The following PKD1L1 variants were observed in gnomAD, a reference collection of about 807,000 sequenced individuals.
PKD1L1 encodes polycystin-1-like protein 1.
A neutral mutation model predicts 323.4 loss-of-function variants in PKD1L1; 236 were observed. The observed-to-expected ratio is 0.73, with a 90% CI of 0.66 to 0.81. The LOEUF is 0.81. PKD1L1 is among the 40% of genes least tolerant of loss of function. The pLI is 0.00. For missense variants in PKD1L1, 3,320 were observed against 3,508.0 expected, an observed-to-expected ratio of 0.95 and a Z score of 1.35; for synonymous variants, 1,344 against 1,335.0, an observed-to-expected ratio of 1.01 and a Z score of -0.15.
chr7:47,937,056 A>AC, intron 3 of PKD1L1, 98 bp from the exon 4 acceptor site: 1 of 914,594 alleles, frequency 1.1e-6, no homozygotes, highest in Non-Finnish European at 1.7e-6. Flanking sequence ...ATAGCAGTGG[A>AC]CCCCTGCTGT....
intron 24 of PKD1L1, among the ~76,000 whole-genome samples, chr7:47,868,014 A>T (rs1397883121): frequency 6.6e-6 from 1 of 152,248 alleles, no homozygotes; most frequent in African/African-American, 2.4e-5. Flanking sequence ...AAGCCATTGC[A>T]TAAAGACATT....
intron 31 of PKD1L1, among the ~76,000 whole-genome samples, chr7:47,848,339 T>C (rs941680769): frequency 1.3e-5 from 2 of 151,730 alleles, no homozygotes; most frequent in African/African-American, 4.8e-5. Flanking sequence ...GAGAAGCACA[T>C]AGCAGTTAAA....
At chr7:47,793,633 A>G (rs1261362435) in intron 55 of PKD1L1, among the ~76,000 whole-genome samples, 2 of 152,194 alleles carry the variant, frequency 1.3e-5, no homozygotes, top group African/African-American at 4.8e-5. Context: ...GAACTAAAAC[A>G]GTAAATTGGT....
In PKD1L1 at chr7:47,790,884, G is replaced by A. The variant is rs1786929576; in HGVS notation, c.8526+1743C>T. Among the ~76,000 whole-genome samples, 6 of 151,746 alleles carry A rather than the reference G, an allele frequency of 4.0e-5. No homozygotes were observed. In the South Asian group the frequency reaches 1.2e-3, roughly 32 times the overall value. On this transcript the variant is annotated intron_variant, in intron 56 of 56. Coordinates refer to ENST00000289672, the MANE Select transcript of PKD1L1 (RefSeq NM_138295.5). ...TAATCTTTCCGTCTCAGCCTCCTGAGTAACTGGGACCACAGGTTTTGTTTT... is the reference window on the plus strand; with the variant it reads ...TAATCTTTCCGTCTCAGCCTCCTGAATAACTGGGACCACAGGTTTTGTTTT...
At chr7:47,808,530 T>C in intron 51 of PKD1L1, 143 bp from the exon 52 acceptor site, 10 of 1,022,272 alleles carry the variant, frequency 9.8e-6, no homozygotes, top group Non-Finnish European at 1.3e-5. Context: ...CTGGGTGATT[T>C]TGTCCTTGGG....
intron 34 of PKD1L1, among the ~76,000 whole-genome samples, chr7:47,842,565 C>T (rs1360410989): frequency 2.0e-5 from 3 of 152,190 alleles, no homozygotes; most frequent in Non-Finnish European, 4.4e-5. Context: ...CTATTTCCTC[C>T]TCCTCCACCG....
chr7:47,865,326 T>C, intron 25 of PKD1L1, 54 bp from the exon 26 acceptor site: 40 of 1,390,348 alleles, frequency 2.9e-5, no homozygotes, highest in Middle Eastern at 1.8e-4. Context: ...AGAGGGAAAT[T>C]AGCTTGTTTG....
At chr7:47,943,164 AT>A (rs66821719) in intron 2 of PKD1L1, among the ~76,000 whole-genome samples, 3,242 of 25,280 alleles carry the variant, frequency 0.13, 68 homozygotes, top group East Asian at 0.25. Flanking sequence ...AAAAAAAAAA[AT>A]ATATATATAT....
rs1222399554 is a variant in PKD1L1 at position 47,829,476 on chromosome 7, G to A, written c.6684C>T (p.Leu2228=). Residue 2228 remains leucine (L), a synonymous_variant, in exon 44 of 57, where the codon CTC becomes CTT. Coordinates refer to ENST00000289672, the MANE Select transcript of PKD1L1 (RefSeq NM_138295.5). ...SELAERSWTR[L]PFSSSCSIPD... ...GAATACTGCAGCTTGAAGAGAAGGG[G>A]AGGCGAGTCCAGGAACGTTCTGCCA... 1 of 1,614,146 alleles carries A rather than the reference G, an allele frequency of 6.2e-7. No homozygotes were observed. Among genetic ancestry groups the A allele is most frequent in the East Asian group, 2.2e-5 (1 of 44,868 alleles).
chr7:47,937,564 G>A (rs1016620231), intron 3 of PKD1L1, among the ~76,000 whole-genome samples: 1 of 152,180 alleles, frequency 6.6e-6, no homozygotes, highest in Non-Finnish European at 1.5e-5. Flanking sequence ...ATGCACAGAA[G>A]CAACAGTGTG....
intron 21 of PKD1L1, among the ~76,000 whole-genome samples, chr7:47,879,925 C>T (rs1025003407): frequency 5.9e-5 from 8 of 135,140 alleles, no homozygotes; most frequent in African/African-American, 9.3e-5. Context: ...AGAGGGACTC[C>T]GTCTCAACAA....
At position 47,784,108 on chromosome 7, in the gene PKD1L1, T is replaced by C. The variant is rs1180140801; in HGVS notation, c.8526+8519A>G. Among the ~76,000 whole-genome samples, 5 of 152,310 alleles carry C rather than the reference T, an allele frequency of 3.3e-5. No homozygotes were observed. In the South Asian group the frequency reaches 6.2e-4, roughly 19 times the overall value. On this transcript the variant is annotated intron_variant, in intron 56 of 56. Transcript: ENST00000289672. ...GATTAACAATAATATTTCAACTTCA[T>C]TGGAGCTATGTCTGCCAGGAAGGAA...
intron 1 of PKD1L1, 48 bp from the exon 2 acceptor site, chr7:47,943,559 T>C: frequency 6.9e-7 from 1 of 1,444,340 alleles, no homozygotes; most frequent in Non-Finnish European, 9.7e-7. Flanking sequence ...AGTACAATCG[T>C]TTAATCACAG....
chr7:47,826,683 G>A (rs778198782), intron 45 of PKD1L1, among the ~76,000 whole-genome samples: 4 of 152,192 alleles, frequency 2.6e-5, no homozygotes, highest in Non-Finnish European at 4.4e-5. Context: ...TTTAGAGAAG[G>A]CTCCTTGTGG....
In PKD1L1 at chr7:47,830,134, G is replaced by A. The variant is rs769837637; in HGVS notation, c.6474-10C>T. The A allele has an allele frequency of 3.1e-6, 5 of 1,613,234 alleles. No individual in the cohort carries two copies. The highest frequency in any genetic ancestry group is 4.2e-6 in the Non-Finnish European group (5 of 1,179,592). ...TTGCTCCTGGCCAAACCTGCCCCCA[G>A]GGAAAGTGCAGTGGTCAGCCCCCTC... On this transcript the variant is annotated splice_polypyrimidine_tract_variant and intron_variant, in intron 42 of 56. Transcript: ENST00000289672.
upstream of PKD1L1, among the ~76,000 whole-genome samples, chr7:47,953,096 A>G (rs1204636570): frequency 6.6e-6 from 1 of 152,186 alleles, no homozygotes; most frequent in Non-Finnish European, 1.5e-5. Flanking sequence ...TCACAGTAGG[A>G]ATCATCTTTC....
chr7:47,817,437 T>C (rs932043926), intron 46 of PKD1L1, among the ~76,000 whole-genome samples: 3 of 152,144 alleles, frequency 2.0e-5, no homozygotes, highest in African/African-American at 7.2e-5. Flanking sequence ...AGAAAAAGTT[T>C]TTAAAAACCT....
chr7:47,943,803 C>T (rs1019063823), intron 1 of PKD1L1, among the ~76,000 whole-genome samples: 2 of 152,188 alleles, frequency 1.3e-5, no homozygotes, highest in Non-Finnish European at 1.5e-5. Flanking sequence ...GCTTCCTGCC[C>T]AGATGCACAG....
At chr7:47,897,136 G>T (rs956301386) in intron 14 of PKD1L1, among the ~76,000 whole-genome samples, 2 of 152,192 alleles carry the variant, frequency 1.3e-5, no homozygotes, top group African/African-American at 4.8e-5. Flanking sequence ...ATTTGCCATC[G>T]CTGTGACATC....
Sources: allele counts gnomAD v4.1 joint callset (sites outside exome capture counted in the v4.1 genomes callset), GRCh38; gene constraint gnomAD v4.1.1; transcripts MANE v1.5; gene names NCBI Gene and HGNC (gene_info 2026-07-23, HGNC 2026-07-21).